Variants in GRIA4 observed in about 807,000 individuals in gnomAD.
The protein encoded by GRIA4 is glutamate receptor 4.
GRIA4 carries 34 observed loss-of-function variants against 104.0 expected under a neutral mutation model. That is an observed-to-expected ratio of 0.33 (90% CI 0.25 to 0.44). GRIA4 has a LOEUF of 0.44. Ranked by LOEUF, GRIA4 falls within the 20% of genes least tolerant of loss-of-function variation. GRIA4 has a pLI of 1.00. For synonymous variants in GRIA4, 386 were observed against 381.9 expected, an observed-to-expected ratio of 1.01 and a Z score of -0.13; for missense variants, 750 against 1,096.5, an observed-to-expected ratio of 0.68 and a Z score of 4.46.
intron 4 of GRIA4, among the ~76,000 whole-genome samples, chr11:105,849,311 G>T (rs1944712876): frequency 6.6e-6 from 1 of 152,144 alleles, no homozygotes; most frequent in South Asian, 2.1e-4. Context: ...AGACCATACT[G>T]GTCAGCCTCT....
intron 4 of GRIA4, among the ~76,000 whole-genome samples, chr11:105,786,227 C>G (rs567919846): frequency 1.3e-5 from 2 of 149,800 alleles, no homozygotes; most frequent in East Asian, 4.0e-4. Flanking sequence ...TGTAAAATAT[C>G]TATGCCCACA....
intron 16 of GRIA4, chr11:105,974,738 C>T: frequency 1.8e-6 from 1 of 556,194 alleles, no homozygotes; most frequent in Non-Finnish European, 3.2e-6. Flanking sequence ...CTTTATGTTG[C>T]CAATAGATAT....
At chr11:105,762,375 G>A (rs186252160) in intron 4 of GRIA4, among the ~76,000 whole-genome samples, 15 of 152,226 alleles carry the variant, frequency 9.9e-5, no homozygotes, top group Non-Finnish European at 8.8e-5. Flanking sequence ...GTTTAGAGTC[G>A]GGTAAAAACG....
intron 5 of GRIA4, among the ~76,000 whole-genome samples, chr11:105,873,791 A>T (rs1945712479): frequency 6.6e-6 from 1 of 152,152 alleles, no homozygotes; most frequent in East Asian, 1.9e-4. Flanking sequence ...AATTTGTTTA[A>T]GTTCCTTGTA....
At chr11:105,928,601 T>G (rs1947785177) in intron 13 of GRIA4, among the ~76,000 whole-genome samples, 1 of 152,028 alleles carries the variant, frequency 6.6e-6, no homozygotes, top group Non-Finnish European at 1.5e-5. Context: ...ACTATGTATA[T>G]GCACCAAAAT....
chr11:105,840,626 C>T (rs375548840), intron 4 of GRIA4, among the ~76,000 whole-genome samples: 3 of 152,142 alleles, frequency 2.0e-5, no homozygotes, highest in East Asian at 1.9e-4. Context: ...TTGAGAAATG[C>T]GGTTTCTATA....
chr11:105,923,718 G>C (rs1174550561), intron 11 of GRIA4, among the ~76,000 whole-genome samples: 1 of 152,068 alleles, frequency 6.6e-6, no homozygotes, highest in East Asian at 1.9e-4. Flanking sequence ...TAATACCTGA[G>C]AAATGAATCT....
chr11:105,864,839 CAGCCTGGGCA>C (rs1295565892), intron 5 of GRIA4, among the ~76,000 whole-genome samples: 1 of 151,972 alleles, frequency 6.6e-6, no homozygotes, highest in Non-Finnish European at 1.5e-5. Flanking sequence ...CATTACACTC[CAGCCTGGGCA>C]ACAACAGTGA....
chr11:105,760,213 C>T (rs1037544770), intron 4 of GRIA4, among the ~76,000 whole-genome samples: 1 of 152,140 alleles, frequency 6.6e-6, no homozygotes, highest in Admixed American at 6.6e-5. Context: ...GCTACTAATA[C>T]AGGAGCCTTC....
At chr11:105,739,821 C>T (rs1229567515) in intron 3 of GRIA4, among the ~76,000 whole-genome samples, 1 of 151,968 alleles carries the variant, frequency 6.6e-6, no homozygotes, top group Non-Finnish European at 1.5e-5. Context: ...TTTTAACATC[C>T]AGAGGGCTAA....
chr11:105,745,990 C>T (rs1169594577), intron 3 of GRIA4, among the ~76,000 whole-genome samples: 2 of 152,100 alleles, frequency 1.3e-5, no homozygotes, highest in African/African-American at 4.8e-5. Flanking sequence ...ATACATTTCC[C>T]TCTTCCAATA....
chr11:105,720,301 A>G (rs1373558806), intron 3 of GRIA4, among the ~76,000 whole-genome samples: 1 of 151,984 alleles, frequency 6.6e-6, no homozygotes, highest in African/African-American at 2.4e-5. Context: ...ACAGCCTCAG[A>G]CAGCCAAGCA....
chr11:105,816,493 GT>G (rs756029381), intron 4 of GRIA4, among the ~76,000 whole-genome samples: 3 of 152,064 alleles, frequency 2.0e-5, no homozygotes, highest in Non-Finnish European at 4.4e-5. Context: ...GCAAACTCCT[GT>G]TTCACCTTCT....
chr11:105,703,668 GT>G (rs1251529326), intron 3 of GRIA4, among the ~76,000 whole-genome samples: 6 of 152,190 alleles, frequency 3.9e-5, no homozygotes, highest in African/African-American at 2.4e-5. Context: ...AATGTTTTAA[GT>G]TTTGTTAAAA....
intron 3 of GRIA4, among the ~76,000 whole-genome samples, chr11:105,734,787 G>C (rs1050038219): frequency 2.6e-5 from 4 of 152,110 alleles, no homozygotes; most frequent in African/African-American, 9.7e-5. Flanking sequence ...GTCAATTTAA[G>C]TTTGCATCCT....
intron 4 of GRIA4, among the ~76,000 whole-genome samples, chr11:105,818,487 CTA>C (rs1285368815): frequency 6.6e-6 from 1 of 152,110 alleles, no homozygotes; most frequent in Non-Finnish European, 1.5e-5. Flanking sequence ...TGCTTGCTTA[CTA>C]TGTTATTTTT....
intron 4 of GRIA4, among the ~76,000 whole-genome samples, chr11:105,850,582 GACA>G (rs993361356): frequency 1.3e-5 from 2 of 152,152 alleles, no homozygotes; most frequent in African/African-American, 4.8e-5. Context: ...GCAGTGCCGG[GACA>G]ACATCATTAA....
chr11:105,752,847 A>G (rs553050051), intron 3 of GRIA4, 134 bp from the exon 4 acceptor site: 1 of 787,782 alleles, frequency 1.3e-6, no homozygotes, highest in Admixed American at 2.4e-5. Context: ...CTTCACTTAT[A>G]CTCTTTATCT....
intron 3 of GRIA4, among the ~76,000 whole-genome samples, chr11:105,738,926 A>AAAAC (rs1286403087): frequency 8.7e-6 from 1 of 114,860 alleles, no homozygotes; most frequent in Non-Finnish European, 1.9e-5. Context: ...CAAGTAAAAA[A>AAAAC]AAACAAAAAA....
Sources: allele counts gnomAD v4.1 joint callset (sites outside exome capture counted in the v4.1 genomes callset), GRCh38; gene constraint gnomAD v4.1.1; transcripts MANE v1.5; gene names NCBI Gene and HGNC (gene_info 2026-07-23, HGNC 2026-07-21).